Variants in FAM220A observed in about 807,000 individuals in gnomAD.
The protein encoded by FAM220A is protein FAM220A.
For missense variants in FAM220A, 392 were observed against 321.6 expected, an observed-to-expected ratio of 1.22 and a Z score of -1.68; for synonymous variants, 141 against 130.7, an observed-to-expected ratio of 1.08 and a Z score of -0.54.
chr7:6,337,218 T>C (rs1781765581), intron 1 of FAM220A, among the ~76,000 whole-genome samples: 1 of 152,102 alleles, frequency 6.6e-6, no homozygotes, highest in South Asian at 2.1e-4. Flanking sequence ...ACTACAGGTG[T>C]ATGCCACCAT....
At chr7:6,345,719 G>A (rs1378338345) in intron 1 of FAM220A, among the ~76,000 whole-genome samples, 1 of 151,992 alleles carries the variant, frequency 6.6e-6, no homozygotes, top group Admixed American at 6.6e-5. Context: ...GACACTTTTT[G>A]TTTTGCCCTC....
Position 6,330,733 on chromosome 7 carries a change from T to G in FAM220A, c.422A>C (p.His141Pro). Reference protein sequence around the residue: ...LGGGPRATDGHRGQCPKGEPR... With the variant: ...LGGGPRATDGPRGQCPKGEPR... ...CTCTCCTTTGGGGCACTGTCCTCTGTGGCCGTCAGTGGCCCTGGGCCCTCC... is the reference window on the plus strand; with the variant it reads ...CTCTCCTTTGGGGCACTGTCCTCTGGGGCCGTCAGTGGCCCTGGGCCCTCC... Residue 141 changes from histidine to proline, a missense_variant, in exon 2 of 2, where the codon CAC (histidine) becomes CCC (proline). His to Pro is a moderately conservative substitution (Grantham distance 77, BLOSUM62 -2). Transcript: ENST00000313324. 6.2e-7 allele frequency: 1 copy of G among 1,614,124 alleles called. No individual in the cohort carries two copies. The highest frequency in any genetic ancestry group is 1.1e-5 in the South Asian group (1 of 91,078).
At chr7:6,344,005 C>G (rs943408306) in intron 1 of FAM220A, among the ~76,000 whole-genome samples, 1 of 152,058 alleles carries the variant, frequency 6.6e-6, no homozygotes, top group Non-Finnish European at 1.5e-5. Flanking sequence ...CCCACCTCAG[C>G]CTCCCAAGTA....
chr7:6,341,691 A>G (rs1781861388), intron 1 of FAM220A, among the ~76,000 whole-genome samples: 1 of 150,636 alleles, frequency 6.6e-6, no homozygotes, highest in Non-Finnish European at 1.5e-5. Flanking sequence ...CTCTGTCAAA[A>G]AAAAAAAAAA....
intron 1 of FAM220A, among the ~76,000 whole-genome samples, chr7:6,331,543 G>A (rs1463402666): frequency 1.3e-5 from 2 of 151,810 alleles, no homozygotes; most frequent in East Asian, 1.9e-4. Flanking sequence ...CACCAAGCCC[G>A]CTAATTTTTT....
At chr7:6,336,232 G>C (rs887039730) in intron 1 of FAM220A, among the ~76,000 whole-genome samples, 1 of 151,454 alleles carries the variant, frequency 6.6e-6, no homozygotes, top group Admixed American at 6.6e-5. Context: ...TGTAGTCCCA[G>C]TCACTTGAGA....
Position 6,330,964 on chromosome 7 carries a change from T to A in FAM220A, c.191A>T (p.Glu64Val). 6.2e-7 allele frequency: 1 copy of A among 1,614,242 alleles called. No individual in the cohort carries two copies. The highest frequency in any genetic ancestry group is 8.5e-7 in the Non-Finnish European group (1 of 1,180,044). ...AGCCCCGCTCGGATCCTTTCTCATTTCCAGTGATAATGCCTCACTTTGTGA... is the reference window on the plus strand; with the variant it reads ...AGCCCCGCTCGGATCCTTTCTCATTACCAGTGATAATGCCTCACTTTGTGA... ...GNSQSEALSLEMRKDPSGAGL... is the reference protein window; with the variant it reads ...GNSQSEALSLVMRKDPSGAGL... Residue 64 changes from glutamate (E) to valine (V), a missense_variant, in exon 2 of 2, where the codon GAA becomes GTA. Transcript: ENST00000313324.
At chr7:6,348,020 G>A (rs1030175435) in intron 1 of FAM220A, among the ~76,000 whole-genome samples, 2 of 151,312 alleles carry the variant, frequency 1.3e-5, no homozygotes, top group African/African-American at 4.9e-5. Context: ...CAGCGATTCT[G>A]CCGCCTCAGC....
At position 6,339,369 on chromosome 7, in the gene FAM220A, G is replaced by T. The variant is rs547752955; in HGVS notation, c.-81-8134C>A. On this transcript the variant is annotated intron_variant, in intron 1 of 1. Transcript: ENST00000313324. ...TGTGGTCCCAGCTACTCAGGAGGTC[G>T]AGGTGGGAGGATCGTTTGAGCCTAG... 8.5e-5 allele frequency among the ~76,000 whole-genome samples: 13 copies of T among 152,250 alleles called. No individual in the cohort carries two copies. In the East Asian group the frequency reaches 2.5e-3, roughly 29 times the overall value.
chr7:6,336,837 G>T (rs1385134455), intron 1 of FAM220A, among the ~76,000 whole-genome samples: 1 of 152,000 alleles, frequency 6.6e-6, no homozygotes, highest in Non-Finnish European at 1.5e-5. Context: ...TGTATTTTGT[G>T]TAGAGACAAT....
At chr7:6,348,521 C>A in intron 1 of FAM220A, 52 bp downstream of exon 1, 1 of 412,708 alleles carries the variant, frequency 2.4e-6, no homozygotes, top group Non-Finnish European at 4.3e-6. Flanking sequence ...ATCCCGCGGG[C>A]GAGGCGGGCG....
At chr7:6,337,338 T>C (rs1257351936) in intron 1 of FAM220A, among the ~76,000 whole-genome samples, 1 of 152,100 alleles carries the variant, frequency 6.6e-6, no homozygotes, top group Non-Finnish European at 1.5e-5. Flanking sequence ...GCCAGGCTGG[T>C]CTCTAACTCC....
At chr7:6,345,544 A>T (rs1446179254) in intron 1 of FAM220A, among the ~76,000 whole-genome samples, 2 of 152,148 alleles carry the variant, frequency 1.3e-5, no homozygotes, top group Non-Finnish European at 2.9e-5. Flanking sequence ...AAGCAGATAT[A>T]TGAAAAAGGT....
Position 6,329,679 on chromosome 7 carries a change from A to T in FAM220A, c.*696T>A, listed in dbSNP as rs578088411. 131 of 165,244 alleles carry T rather than the reference A, an allele frequency of 7.9e-4. 2 individuals carry two copies. Among genetic ancestry groups the T allele is most frequent in the South Asian group, 1.0e-3 (5 of 4,824 alleles). 10.2% of individuals were successfully genotyped at this position (165,244 alleles called of 1,614,324 possible). A position where few individuals can be genotyped will look rare whatever the true frequency, so the allele number is the denominator to read the frequency against. ...TACTGCAATTCTTAGAATCTGGGAA[A>T]CTTTTTATGTGGGAAATAACTCGAT... On this transcript the variant is annotated 3_prime_UTR_variant, in exon 2 of 2. Transcript: ENST00000313324.
chr7:6,330,510 A>C lies in FAM220A; in HGVS notation c.645T>G (p.Arg215=). 1 of 1,614,174 alleles carries C rather than the reference A, an allele frequency of 6.2e-7. No individual in the cohort carries two copies. Among genetic ancestry groups the C allele is most frequent in the Non-Finnish European group, 8.5e-7 (1 of 1,180,036 alleles). The change falls in exon 2 of 2, where the codon CGT becomes CGG. Residue 215 remains arginine (R), a synonymous_variant. Transcript: ENST00000313324. The part of the protein sequence containing the change: ...SEETKRIFLD[R]LKPMFSKQTI... ...TTTGCTTTGAAAACATGGGCTTTAA[A>C]CGGTCAAGGAAAATGCGTTTTGTCT...
intron 1 of FAM220A, among the ~76,000 whole-genome samples, chr7:6,340,585 G>C (rs182511104): frequency 6.6e-6 from 1 of 152,184 alleles, no homozygotes; most frequent in South Asian, 2.1e-4. Context: ...CAGACTCGAA[G>C]GAGGGCAGGT....
chr7:6,337,777 C>T (rs971797104), intron 1 of FAM220A, among the ~76,000 whole-genome samples: 2 of 150,476 alleles, frequency 1.3e-5, no homozygotes, highest in African/African-American at 4.9e-5. Context: ...ATTCTCTCAT[C>T]AAAAAGATTT....
chr7:6,332,113 GA>G (rs35433559), intron 1 of FAM220A, among the ~76,000 whole-genome samples: 46,950 of 128,906 alleles, frequency 0.36, 10,203 homozygotes, highest in African/African-American at 0.63. Flanking sequence ...CCATCTCACG[GA>G]AAAAAAAAAA....
At chr7:6,342,168 G>T (rs1781873292) in intron 1 of FAM220A, among the ~76,000 whole-genome samples, 1 of 152,096 alleles carries the variant, frequency 6.6e-6, no homozygotes, top group Admixed American at 6.6e-5. Context: ...TCTTCTTAAA[G>T]CTTCATTTTC....
Sources: allele counts gnomAD v4.1 joint callset (sites outside exome capture counted in the v4.1 genomes callset), GRCh38; gene constraint gnomAD v4.1.1; transcripts MANE v1.5; gene names NCBI Gene and HGNC (gene_info 2026-07-23, HGNC 2026-07-21).